The following MECOM variants were observed in gnomAD, a reference collection of about 807,000 sequenced individuals.
MECOM encodes histone-lysine N-methyltransferase MECOM.
MECOM carries 13 observed loss-of-function variants against 116.3 expected under a neutral mutation model. That is an observed-to-expected ratio of 0.11 (90% CI 0.07 to 0.18). The LOEUF is 0.18. MECOM is among the 10% of genes least tolerant of loss of function. MECOM has a pLI of 1.00. For missense variants in MECOM, 1,299 were observed against 1,509.0 expected, an observed-to-expected ratio of 0.86 and a Z score of 2.31; for synonymous variants, 528 against 535.2, an observed-to-expected ratio of 0.99 and a Z score of 0.19.
At chr3:169,512,560 A>T (rs1756109250) in intron 1 of MECOM, among the ~76,000 whole-genome samples, 1 of 152,244 alleles carries the variant, frequency 6.6e-6, no homozygotes, top group African/African-American at 2.4e-5. Flanking sequence ...GTCCTTTCTC[A>T]GCCCTAGCTA....
intron 1 of MECOM, among the ~76,000 whole-genome samples, chr3:169,444,847 G>A (rs115562185): frequency 0.015 from 2,304 of 152,246 alleles, 30 homozygotes; most frequent in Non-Finnish European, 0.024. Flanking sequence ...TCCAGACTGA[G>A]GTGGTCTCAG....
chr3:169,137,153 G>A (rs1216001881), intron 3 of MECOM, among the ~76,000 whole-genome samples: 1 of 152,034 alleles, frequency 6.6e-6, no homozygotes, highest in Non-Finnish European at 1.5e-5. Context: ...TGAAGACAAG[G>A]AAAAGCTGAA....
Position 169,418,473 on chromosome 3 carries a change from G to A in MECOM, c.38-36949C>T, listed in dbSNP as rs745530788. On this transcript the variant is annotated intron_variant, in intron 1 of 16. Coordinates refer to ENST00000651503, the MANE Select transcript of MECOM (RefSeq NM_004991.4). Reference sequence around the variant, plus strand: ...AAACAAAATTTCAGGCCAATATCCCGGATGAACATCAATGCGAATATCCTC... The same window carrying A: ...AAACAAAATTTCAGGCCAATATCCCAGATGAACATCAATGCGAATATCCTC... Among the ~76,000 whole-genome samples the A allele has an allele frequency of 9.2e-5, 14 of 152,022 alleles. 1 individual carries two copies. Among genetic ancestry groups the A allele is most frequent in the Admixed American group, 1.3e-4 (2 of 15,242 alleles).
rs1560182660 is a variant in MECOM, at chr3:169,115,430, G to A, written c.2442C>T (p.Ser814=). The A allele has an allele frequency of 5.6e-6, 9 of 1,614,192 alleles. No individual in the cohort carries two copies. The highest frequency in any genetic ancestry group is 7.6e-6 in the Non-Finnish European group (9 of 1,180,036). The stretch of plus-strand genomic sequence containing the variant: ...AAGGAGTGGGTCTTGCATGCTGCAA[G>A]GAACCATCTGAAGCAGGTCTTGATT... ...NVESRPASDG[S]LQHARPTPFF... Residue 814 remains serine, a synonymous_variant, in exon 8 of 17, where the codon TCC becomes TCT. Transcript: ENST00000651503.
chr3:169,345,296 G>T (rs1725159758), intron 2 of MECOM, among the ~76,000 whole-genome samples: 1 of 152,026 alleles, frequency 6.6e-6, no homozygotes, highest in Non-Finnish European at 1.5e-5. Flanking sequence ...TTGTAAAGCA[G>T]TTTAAAGCTT....
intron 2 of MECOM, among the ~76,000 whole-genome samples, chr3:169,326,480 TATAG>T (rs1343113406): frequency 5.3e-5 from 8 of 152,202 alleles, no homozygotes; most frequent in African/African-American, 1.9e-4. Context: ...AATGAAATAT[TATAG>T]AGAGAGTGGC....
chr3:169,339,287 T>C (rs1724085571), intron 2 of MECOM, among the ~76,000 whole-genome samples: 1 of 152,182 alleles, frequency 6.6e-6, no homozygotes, highest in South Asian at 2.1e-4. Context: ...TTTGGGAACT[T>C]TTTAGAAGTG....
chr3:169,170,403 CAAAAA>C (rs71634426), intron 2 of MECOM, among the ~76,000 whole-genome samples: 5 of 74,370 alleles, frequency 6.7e-5, no homozygotes, highest in South Asian at 5.0e-4. Flanking sequence ...AAGACTCTGT[CAAAAA>C]AAAAAAAAAA....
At chr3:169,394,552 A>C (rs1734732168) in intron 1 of MECOM, among the ~76,000 whole-genome samples, 1 of 152,176 alleles carries the variant, frequency 6.6e-6, no homozygotes, top group Non-Finnish European at 1.5e-5. Context: ...AGAGGTAATG[A>C]CTTTAAATTG....
At chr3:169,592,572 T>A (rs1766557785) in intron 1 of MECOM, among the ~76,000 whole-genome samples, 1 of 152,204 alleles carries the variant, frequency 6.6e-6, no homozygotes, top group Non-Finnish European at 1.5e-5. Context: ...GGTCCAGCCT[T>A]TACTGGGTAA....
At chr3:169,501,626 T>A (rs1009896961) in intron 1 of MECOM, among the ~76,000 whole-genome samples, 2 of 152,058 alleles carry the variant, frequency 1.3e-5, no homozygotes, top group Non-Finnish European at 2.9e-5. Context: ...ATTAACAACA[T>A]AAAACATTCT....
At chr3:169,273,984 T>C (rs987412880) in intron 2 of MECOM, among the ~76,000 whole-genome samples, 9 of 147,930 alleles carry the variant, frequency 6.1e-5, no homozygotes, top group African/African-American at 2.3e-4. Flanking sequence ...TGATCTCAGC[T>C]CACTGCAACC....
At chr3:169,178,238 CA>C (rs1021162483) in intron 2 of MECOM, among the ~76,000 whole-genome samples, 2 of 152,254 alleles carry the variant, frequency 1.3e-5, no homozygotes, top group African/African-American at 4.8e-5. Flanking sequence ...GAAGAATGTA[CA>C]AAGATGGCAG....
chr3:169,316,135 C>T (rs1383796909), intron 2 of MECOM, among the ~76,000 whole-genome samples: 1 of 152,082 alleles, frequency 6.6e-6, no homozygotes, highest in Non-Finnish European at 1.5e-5. Flanking sequence ...AATAGAAAAC[C>T]ATTTGACAGG....
chr3:169,324,288 C>A (rs1336798395), intron 2 of MECOM, among the ~76,000 whole-genome samples: 1 of 152,178 alleles, frequency 6.6e-6, no homozygotes, highest in Non-Finnish European at 1.5e-5. Flanking sequence ...CGTGTAGTGA[C>A]CAAGGTGTGT....
chr3:169,398,207 G>T (rs1306232574), intron 1 of MECOM, among the ~76,000 whole-genome samples: 2 of 152,032 alleles, frequency 1.3e-5, no homozygotes, highest in Admixed American at 6.6e-5. Context: ...ATCCTCACTT[G>T]GTCCAAGATT....
Position 169,323,743 on chromosome 3 carries a change from G to A in MECOM, c.375+57444C>T, listed in dbSNP as rs556803082. 4.6e-5 allele frequency among the ~76,000 whole-genome samples: 7 copies of A among 152,304 alleles called. No homozygotes were observed. In the South Asian group the frequency reaches 1.5e-3, roughly 32 times the overall value. ...AGCTGTGACAGCCATGATAAAAATG[G>A]AGATTGTTTTTATACTCTATGTGCT... On this transcript the variant is annotated intron_variant, in intron 2 of 16. Coordinates refer to ENST00000651503, the MANE Select transcript of MECOM (RefSeq NM_004991.4).
chr3:169,602,674 G>A (rs999015277), intron 1 of MECOM, among the ~76,000 whole-genome samples: 6 of 152,128 alleles, frequency 3.9e-5, no homozygotes, highest in Non-Finnish European at 7.3e-5. Flanking sequence ...GAGGACTTCT[G>A]ACGTATACCA....
At chr3:169,554,263 T>C (rs965388521) in intron 1 of MECOM, among the ~76,000 whole-genome samples, 12 of 152,122 alleles carry the variant, frequency 7.9e-5, no homozygotes, top group Admixed American at 3.3e-4. Flanking sequence ...AACTGTACCA[T>C]TGACAGAGGC....
Sources: gnomAD v4.1 joint callset for allele counts (sites outside exome capture counted in the v4.1 genomes callset) on GRCh38, gnomAD v4.1.1 for gene constraint, MANE v1.5 for transcripts, NCBI Gene and HGNC (gene_info 2026-07-23, HGNC 2026-07-21) for gene names.